RIPOR2: variants seen among roughly 807,000 people sequenced by gnomAD.
The protein encoded by RIPOR2 is RHO family interacting cell polarization regulator 2.
In RIPOR2, 39 loss-of-function variants were observed where a neutral mutation model predicts 114.5. The ratio of observed to expected loss-of-function variants is 0.34; its 90% confidence interval spans 0.26 to 0.44. The LOEUF is 0.44. Among genes scored for constraint, RIPOR2 ranks in the 20% least tolerant of loss-of-function variants. The pLI is 1.00. For missense variants in RIPOR2, 1,007 were observed against 1,255.1 expected, an observed-to-expected ratio of 0.80 and a Z score of 2.99; for synonymous variants, 445 against 484.4, an observed-to-expected ratio of 0.92 and a Z score of 1.07.
chr6:24,961,145 A>G (rs1183053381), intron 1 of RIPOR2, among the ~76,000 whole-genome samples: 1 of 152,218 alleles, frequency 6.6e-6, no homozygotes, highest in African/African-American at 2.4e-5. Flanking sequence ...AACAAGCCAC[A>G]TAAAAAAGAC....
At chr6:25,003,310 C>G (rs1005514674) in intron 1 of RIPOR2, among the ~76,000 whole-genome samples, 4 of 151,766 alleles carry the variant, frequency 2.6e-5, no homozygotes, top group African/African-American at 9.7e-5. Context: ...AGAGGTATCT[C>G]AAGATTTATT....
At chr6:24,950,438 G>C (rs531291653) in intron 1 of RIPOR2, among the ~76,000 whole-genome samples, 1 of 152,170 alleles carries the variant, frequency 6.6e-6, no homozygotes, top group East Asian at 1.9e-4. Context: ...GTAATCTCAT[G>C]GTTTACTTTA....
intron 1 of RIPOR2, among the ~76,000 whole-genome samples, chr6:24,931,577 A>G (rs913013389): frequency 1.3e-5 from 2 of 152,244 alleles, no homozygotes; most frequent in African/African-American, 4.8e-5. Context: ...TCCAGGACAG[A>G]AGTATTCTCA....
intron 13 of RIPOR2, 153 bp from the exon 14 acceptor site, chr6:24,839,425 T>C: frequency 7.0e-7 from 1 of 1,431,254 alleles, no homozygotes; most frequent in South Asian, 1.5e-5. Flanking sequence ...AATCTTTATA[T>C]CCAAAAAAGA....
chr6:24,850,563 C>A lies in RIPOR2; in HGVS notation c.885+34G>T, dbSNP rs1762786445. On this transcript the variant is annotated intron_variant, in intron 10 of 21. Coordinates refer to ENST00000643898, the MANE Select transcript of RIPOR2 (RefSeq NM_001286445.3). ...ACCAATGGATCATCCAGCCGTGGCA[C>A]CAGGAAAGACAACAGGCAATGACAA... The A allele has an allele frequency of 3.1e-6, 5 of 1,612,982 alleles. No individual in the cohort carries two copies. In the East Asian group the frequency reaches 1.1e-4, roughly 36 times the overall value.
intron 1 of RIPOR2, among the ~76,000 whole-genome samples, chr6:24,913,562 T>C (rs1047603558): frequency 4.6e-5 from 7 of 152,114 alleles, no homozygotes; most frequent in African/African-American, 1.2e-4. Flanking sequence ...ACACACTGTG[T>C]ATTGGATTGC....
intron 1 of RIPOR2, among the ~76,000 whole-genome samples, chr6:24,917,748 C>T (rs1770190031): frequency 6.6e-6 from 1 of 152,178 alleles, no homozygotes; most frequent in African/African-American, 2.4e-5. Flanking sequence ...CCAGGCTGGT[C>T]TCGAACCCCT....
chr6:24,877,439 C>A (rs1581687763), intron 1 of RIPOR2: 2 of 708,640 alleles, frequency 2.8e-6, no homozygotes, highest in Non-Finnish European at 3.5e-6. Context: ...CCCATACTAG[C>A]TGGGGAGGAG....
chr6:24,842,778 T>A lies in RIPOR2; in HGVS notation c.1857+84A>T, dbSNP rs567967522. The A allele has an allele frequency of 1.7e-4, 131 of 748,638 alleles. No homozygotes were observed. In the African/African-American group the frequency reaches 2.1e-3, roughly 12 times the overall value. 46.4% of individuals were successfully genotyped at this position (748,638 alleles called of 1,614,324 possible). A position where few individuals can be genotyped will look rare whatever the true frequency, so the allele number is the denominator to read the frequency against. ...CTGTGATTGGACAGGATTTTTTTTT[T>A]AAATGATACCTCATCTTAAATAGAA... On this transcript the variant is annotated intron_variant, in intron 13 of 21. Coordinates refer to ENST00000643898, the MANE Select transcript of RIPOR2 (RefSeq NM_001286445.3).
chr6:24,806,872 G>A (rs1285845607), intron 21 of RIPOR2, among the ~76,000 whole-genome samples: 1 of 151,988 alleles, frequency 6.6e-6, no homozygotes, highest in Non-Finnish European at 1.5e-5. Flanking sequence ...ATTATATATC[G>A]ATACATCTAA....
intron 1 of RIPOR2, among the ~76,000 whole-genome samples, chr6:24,913,150 AGTGTGT>A (rs10598852): frequency 0.36 from 53,832 of 149,236 alleles, 9,660 homozygotes; most frequent in South Asian, 0.43. Flanking sequence ...GCATGACTTG[AGTGTGT>A]GTGTGTGTGT....
rs1470409297 is a variant in RIPOR2, at chr6:24,805,478, CT to C, written c.*894del. On this transcript the variant is annotated 3_prime_UTR_variant, in exon 22 of 22. Transcript: ENST00000643898. Reference sequence around the variant, plus strand: ...GTGTAATCTCAGCTTACTGCAACCTCTGCCTCAAGTGATCCTCCCACCTCAG... The same window carrying C: ...GTGTAATCTCAGCTTACTGCAACCTCGCCTCAAGTGATCCTCCCACCTCAG... 5 of 151,584 alleles carry C rather than the reference CT, an allele frequency of 3.3e-5. No individual in the cohort carries two copies. The highest frequency in any genetic ancestry group is 7.3e-5 in the African/African-American group (3 of 41,222). 9.4% of individuals were successfully genotyped at this position (151,584 alleles called of 1,614,324 possible).
intron 1 of RIPOR2, chr6:24,976,318 T>C: frequency 3.8e-6 from 3 of 791,498 alleles, no homozygotes; most frequent in Non-Finnish European, 6.2e-6. Flanking sequence ...ACTTAAATTG[T>C]GTTTTTAAAA....
At chr6:25,033,414 G>T (rs926059312) in intron 1 of RIPOR2, among the ~76,000 whole-genome samples, 1 of 152,012 alleles carries the variant, frequency 6.6e-6, no homozygotes, top group African/African-American at 2.4e-5. Context: ...TTATTTTCTG[G>T]CACAAGGTGT....
At chr6:24,856,947 C>CTG (rs56401757) in intron 8 of RIPOR2, among the ~76,000 whole-genome samples, 94,685 of 151,550 alleles carry the variant, frequency 0.62, 30,004 homozygotes, top group Middle Eastern at 0.73. Flanking sequence ...CTGAAGAAAA[C>CTG]AATGTGAGAA....
intron 1 of RIPOR2, among the ~76,000 whole-genome samples, chr6:24,922,920 G>A (rs1450509344): frequency 6.7e-6 from 1 of 148,276 alleles, no homozygotes; most frequent in Non-Finnish European, 1.5e-5. Flanking sequence ...CATCTCAACT[G>A]TTTTTAAGTG....
At chr6:25,010,595 G>A (rs905794434) in intron 1 of RIPOR2, among the ~76,000 whole-genome samples, 1 of 152,148 alleles carries the variant, frequency 6.6e-6, no homozygotes, top group Non-Finnish European at 1.5e-5. Context: ...TTGTTAGATG[G>A]CATTTTTTGA....
At chr6:24,916,305 A>G (rs1028401007) in intron 1 of RIPOR2, among the ~76,000 whole-genome samples, 2 of 152,136 alleles carry the variant, frequency 1.3e-5, no homozygotes, top group South Asian at 4.1e-4. Context: ...TCTGTGCTGT[A>G]CCTGAGTCCT....
chr6:24,877,302 C>T, intron 1 of RIPOR2: 1 of 985,042 alleles, frequency 1.0e-6, no homozygotes. Context: ...TTTTTAAATC[C>T]CCTCCCTCCC....
Sources: allele counts gnomAD v4.1 joint callset (sites outside exome capture counted in the v4.1 genomes callset), GRCh38; gene constraint gnomAD v4.1.1; transcripts MANE v1.5; gene names NCBI Gene and HGNC (gene_info 2026-07-23, HGNC 2026-07-21).